The following PDE1C variants were observed in gnomAD, a reference collection of about 807,000 sequenced individuals.
PDE1C encodes dual specificity calcium/calmodulin-dependent 3',5'-cyclic nucleotide phosphodiesterase 1C.
Under a neutral mutation model 93.1 loss-of-function variants are expected in PDE1C, and 62 were observed. The observed-to-expected ratio is 0.67, with a 90% CI of 0.54 to 0.82. The LOEUF is 0.82. PDE1C is among the 40% of genes least tolerant of loss of function. The pLI is 0.00. For synonymous variants in PDE1C, 325 were observed against 310.1 expected (o/e 1.05, Z -0.50); for missense variants, 742 against 884.6 (o/e 0.84, Z 2.04).
At chr7:32,084,397 A>C (rs1046928093) in intron 3 of PDE1C, among the ~76,000 whole-genome samples, 1 of 149,450 alleles carries the variant, frequency 6.7e-6, no homozygotes, top group Non-Finnish European at 1.5e-5. Context: ...CCACACAATA[A>C]TAATGGGAGA....
At chr7:31,901,419 T>C (rs1369712173) in intron 2 of PDE1C, among the ~76,000 whole-genome samples, 1 of 151,184 alleles carries the variant, frequency 6.6e-6, no homozygotes, top group African/African-American at 2.4e-5. Context: ...TAGGAAAAAA[T>C]GTAAAAAGAA....
chr7:32,235,520 A>G (rs1246927743), intron 1 of PDE1C, among the ~76,000 whole-genome samples: 1 of 152,072 alleles, frequency 6.6e-6, no homozygotes, highest in Non-Finnish European at 1.5e-5. Flanking sequence ...ACAGTGGACA[A>G]TTGGAAACTA....
At chr7:31,830,831 G>C (rs747884718) in intron 11 of PDE1C, among the ~76,000 whole-genome samples, 37 of 152,136 alleles carry the variant, frequency 2.4e-4, no homozygotes, top group Non-Finnish European at 5.0e-4. Flanking sequence ...TTGGAAGCAA[G>C]GTAGATGGCA....
chr7:32,359,193 T>G (rs918847788), intron 1 of PDE1C, among the ~76,000 whole-genome samples: 2 of 152,122 alleles, frequency 1.3e-5, no homozygotes, highest in Non-Finnish European at 2.9e-5. Context: ...CCTAGTAACT[T>G]TTCATCCTCC....
intron 16 of PDE1C, among the ~76,000 whole-genome samples, chr7:31,790,683 T>G (rs533201092): frequency 6.6e-6 from 1 of 152,230 alleles, no homozygotes; most frequent in East Asian, 1.9e-4. Flanking sequence ...CCTCTCAGAA[T>G]TCTTGCCCCA....
At chr7:31,912,405 G>T (rs1339634560) in intron 2 of PDE1C, among the ~76,000 whole-genome samples, 1 of 152,116 alleles carries the variant, frequency 6.6e-6, no homozygotes, top group East Asian at 1.9e-4. Flanking sequence ...TAGATAAAAG[G>T]CCGGGTGTGG....
the PDE1C span, among the ~76,000 whole-genome samples, chr7:31,620,301 C>A: frequency 1.3e-5 from 2 of 152,102 alleles, no homozygotes; most frequent in African/African-American, 4.8e-5. Flanking sequence ...GGGCAGACTG[C>A]CTCCTCAAGT....
At chr7:32,254,292 G>A (rs981327661) in intron 1 of PDE1C, among the ~76,000 whole-genome samples, 7 of 152,152 alleles carry the variant, frequency 4.6e-5, no homozygotes, top group African/African-American at 1.7e-4. Flanking sequence ...TGCAGGTGAG[G>A]ACCAAGGCCA....
intron 1 of PDE1C, among the ~76,000 whole-genome samples, chr7:32,211,485 G>T (rs888049806): frequency 4.0e-5 from 6 of 151,350 alleles, no homozygotes; most frequent in African/African-American, 1.5e-4. Context: ...CTCACATCAG[G>T]AAAATTTGGA....
chr7:31,942,933 T>C (rs1321882089), intron 2 of PDE1C, among the ~76,000 whole-genome samples: 1 of 152,168 alleles, frequency 6.6e-6, no homozygotes, highest in Non-Finnish European at 1.5e-5. Context: ...TAGTACCACA[T>C]GGGCTACTAG....
chr7:31,964,475 G>C (rs1584225858), intron 2 of PDE1C, among the ~76,000 whole-genome samples: 1 of 152,232 alleles, frequency 6.6e-6, no homozygotes, highest in Non-Finnish European at 1.5e-5. Flanking sequence ...AAACTGGGTG[G>C]AGACCACCAC....
At chr7:32,308,960 G>C (rs1054344914) in intron 1 of PDE1C, among the ~76,000 whole-genome samples, 15 of 151,754 alleles carry the variant, frequency 9.9e-5, no homozygotes, top group Non-Finnish European at 2.1e-4. Flanking sequence ...CGAGCTACAG[G>C]AGGAAACTCA....
chr7:32,192,702 C>A (rs1260581328), intron 2 of PDE1C, among the ~76,000 whole-genome samples: 1 of 151,982 alleles, frequency 6.6e-6, no homozygotes, highest in Non-Finnish European at 1.5e-5. Context: ...TTAGAATACT[C>A]TCATCTATAT....
the PDE1C span, among the ~76,000 whole-genome samples, chr7:31,692,991 T>C: frequency 1.3e-5 from 2 of 152,150 alleles, no homozygotes; most frequent in Admixed American, 6.5e-5. Flanking sequence ...TTTCCAGAAC[T>C]GACTTTTTGC....
At position 32,339,333 on chromosome 7, in the gene PDE1C, G is replaced by T. The variant is rs894200117; in HGVS notation, c.310+88489C>A. Among the ~76,000 whole-genome samples, 7 of 152,120 alleles carry T rather than the reference G, an allele frequency of 4.6e-5. No homozygotes were observed. In the East Asian group the frequency reaches 1.3e-3, roughly 29 times the overall value. On this transcript the variant is annotated intron_variant, in intron 1 of 1. Transcript: ENST00000672256. ...ATTCATAGAAACCAAAAGTAGAATC[G>T]TGGTTACCAGGGACAGGGAGACAGA... is the stretch of plus-strand genomic sequence containing the variant.
At chr7:32,207,069 G>A (rs1562579702) in intron 2 of PDE1C, among the ~76,000 whole-genome samples, 2 of 152,162 alleles carry the variant, frequency 1.3e-5, no homozygotes, top group East Asian at 3.9e-4. Flanking sequence ...GGAAGCCACT[G>A]CTTGAGCCTG....
intron 17 of PDE1C, among the ~76,000 whole-genome samples, chr7:31,763,221 T>C (rs1794941077): frequency 6.6e-6 from 1 of 152,188 alleles, no homozygotes; most frequent in Admixed American, 6.5e-5. Context: ...CCTGTTCCTG[T>C]TGTCTGGGAA....
intron 1 of PDE1C, among the ~76,000 whole-genome samples, chr7:32,264,672 G>A (rs1810444104): frequency 6.6e-6 from 1 of 152,198 alleles, no homozygotes; most frequent in Non-Finnish European, 1.5e-5. Flanking sequence ...GGCTGATGAA[G>A]GCCACTAGCA....
At chr7:31,759,695 C>T (rs1368922721) in intron 17 of PDE1C, among the ~76,000 whole-genome samples, 2 of 152,176 alleles carry the variant, frequency 1.3e-5, no homozygotes, top group East Asian at 3.9e-4. Flanking sequence ...ACATCACCGT[C>T]CTTTATTTTA....
Sources: allele counts gnomAD v4.1 joint callset (sites outside exome capture counted in the v4.1 genomes callset), GRCh38; gene constraint gnomAD v4.1.1; transcripts MANE v1.5; gene names NCBI Gene and HGNC (gene_info 2026-07-23, HGNC 2026-07-21).